The following SH3PXD2A variants were observed in gnomAD, a reference collection of about 807,000 sequenced individuals.
The protein encoded by SH3PXD2A is SH3 and PX domains 2A, also known as SH3 and PX domain-containing protein 2A.
Under a neutral mutation model 115.2 loss-of-function variants are expected in SH3PXD2A, and 32 were observed. The ratio of observed to expected loss-of-function variants is 0.28; its 90% CI spans 0.21 to 0.37. SH3PXD2A has a LOEUF of 0.37. SH3PXD2A is among the 10% of genes least tolerant of loss of function. The probability of loss-of-function intolerance (pLI) is 1.00; values close to 1 mark genes in which losing one functional copy is unlikely to be tolerated. For synonymous variants in SH3PXD2A, 610 were observed against 629.1 expected, an observed-to-expected ratio of 0.97 and a Z score of 0.45; for missense variants, 1,328 against 1,498.7, an observed-to-expected ratio of 0.89 and a Z score of 1.88.
intron 5 of SH3PXD2A, among the ~76,000 whole-genome samples, chr10:103,701,549 T>C (rs1291992851): frequency 1.5e-3 from 118 of 78,048 alleles, no homozygotes; most frequent in Middle Eastern, 0.015. Context: ...ATCCATCCAC[T>C]ACCCATCCAT....
intron 2 of SH3PXD2A, among the ~76,000 whole-genome samples, chr10:103,769,181 T>TGTGTGTGCGC (rs1554921417): frequency 1.4e-4 from 16 of 112,998 alleles, no homozygotes; most frequent in African/African-American, 4.8e-4. Flanking sequence ...TGTGTGTGTG[T>TGTGTGTGCGC]GCGCGCGCGC....
At chr10:103,748,025 C>T (rs1190443687) in intron 3 of SH3PXD2A, among the ~76,000 whole-genome samples, 2 of 152,116 alleles carry the variant, frequency 1.3e-5, no homozygotes, top group Non-Finnish European at 2.9e-5. Context: ...CATCAACCTC[C>T]CACCAGCATT....
chr10:103,820,182 C>T (rs551688514), intron 1 of SH3PXD2A, among the ~76,000 whole-genome samples: 1 of 152,300 alleles, frequency 6.6e-6, no homozygotes, highest in South Asian at 2.1e-4. Context: ...TTTTAAATCT[C>T]CCCTCCTGCT....
intron 1 of SH3PXD2A, among the ~76,000 whole-genome samples, chr10:103,841,956 C>T (rs1281584267): frequency 2.0e-5 from 3 of 152,096 alleles, no homozygotes; most frequent in Admixed American, 6.5e-5. Flanking sequence ...AATCCTGTCT[C>T]CACTAAAAAT....
At chr10:103,763,732 C>A (rs2038724706) in intron 3 of SH3PXD2A, among the ~76,000 whole-genome samples, 1 of 152,236 alleles carries the variant, frequency 6.6e-6, no homozygotes, top group Non-Finnish European at 1.5e-5. Flanking sequence ...CAGCTGCCCC[C>A]TTCTTCAGAT....
intron 8 of SH3PXD2A, among the ~76,000 whole-genome samples, chr10:103,651,930 C>T (rs1291796368): frequency 2.0e-5 from 3 of 152,224 alleles, no homozygotes; most frequent in Admixed American, 6.5e-5. Flanking sequence ...GCACTGCCAA[C>T]GGGCCCCGTC....
chr10:103,771,123 T>C (rs1034628502), intron 2 of SH3PXD2A, among the ~76,000 whole-genome samples: 7 of 152,294 alleles, frequency 4.6e-5, no homozygotes, highest in African/African-American at 1.4e-4. Flanking sequence ...GCTTTGTCCT[T>C]ATCTCAACCA....
chr10:103,668,732 A>G lies in SH3PXD2A; in HGVS notation c.428-80T>C, dbSNP rs1554908877. Reference sequence around the variant, plus strand: ...ACGGTTAGGCAGGCAGGAGGTCCACAGTGAGTGGCTGCAGGCGCCGCGCTC... The same window carrying G: ...ACGGTTAGGCAGGCAGGAGGTCCACGGTGAGTGGCTGCAGGCGCCGCGCTC... On this transcript the variant is annotated intron_variant, in intron 6 of 14. Transcript: ENST00000369774. The G allele has an allele frequency of 7.6e-6, 10 of 1,317,786 alleles. No individual in the cohort carries two copies. The South Asian group carries it at 8.8e-5, about 12-fold the overall frequency. 81.6% of individuals were successfully genotyped at this position (1,317,786 alleles called of 1,614,324 possible).
intron 5 of SH3PXD2A, among the ~76,000 whole-genome samples, chr10:103,700,819 C>A (rs968244821): frequency 3.9e-5 from 6 of 152,128 alleles, no homozygotes; most frequent in Admixed American, 2.0e-4. Context: ...ACATGCCAGA[C>A]CTAGGGAACC....
In SH3PXD2A at chr10:103,706,625, A is replaced by G. The variant is rs1042648936; in HGVS notation, c.399-13569T>C. On this transcript the variant is annotated intron_variant, in intron 5 of 14. Coordinates refer to ENST00000369774, the MANE Select transcript of SH3PXD2A (RefSeq NM_001394015.1). ...CAGGCCCAGCACAGGGCTGGTTATA[A>G]TCGTGTTTCCTGAATAAATGCACGA... Among the ~76,000 whole-genome samples the G allele has an allele frequency of 4.6e-5, 7 of 152,190 alleles. 1 individual carries two copies. Among genetic ancestry groups the G allele is most frequent in the Non-Finnish European group, 1.0e-4 (7 of 68,044 alleles).
At chr10:103,715,294 AGAG>A (rs1348765313) in intron 5 of SH3PXD2A, among the ~76,000 whole-genome samples, 11 of 152,354 alleles carry the variant, frequency 7.2e-5, no homozygotes, top group South Asian at 6.2e-4. Context: ...ACAGACTGGA[AGAG>A]GAGAAGTGAG....
chr10:103,605,741 C>T, intron 14 of SH3PXD2A, 57 bp downstream of exon 14: 1 of 1,609,654 alleles, frequency 6.2e-7, no homozygotes, highest in East Asian at 2.2e-5. Context: ...ATGGGAAATG[C>T]AGTAGGTTTT....
chr10:103,851,970 C>T (rs1311180460), intron 1 of SH3PXD2A, among the ~76,000 whole-genome samples: 1 of 152,212 alleles, frequency 6.6e-6, no homozygotes, highest in Non-Finnish European at 1.5e-5. Flanking sequence ...ACAAAGAACC[C>T]GGTGGACCTG....
At chr10:103,687,556 C>A (rs1384734078) in intron 6 of SH3PXD2A, among the ~76,000 whole-genome samples, 1 of 152,146 alleles carries the variant, frequency 6.6e-6, no homozygotes, top group Admixed American at 6.5e-5. Flanking sequence ...CAGTGCCTTG[C>A]CCCCTCCACT....
chr10:103,771,608 A>G lies in SH3PXD2A; in HGVS notation c.154-4439T>C, dbSNP rs191151692. Among the ~76,000 whole-genome samples, 6 of 152,246 alleles carry G rather than the reference A, an allele frequency of 3.9e-5. No homozygotes were observed. The East Asian group carries it at 1.2e-3, about 29-fold the overall frequency. ...AAAAAAGTACAAAAATTAGGTGGGCATGGTGGTGCACATCTGTAGTCCCAG... is the reference window on the plus strand; with the variant it reads ...AAAAAAGTACAAAAATTAGGTGGGCGTGGTGGTGCACATCTGTAGTCCCAG... On this transcript the variant is annotated intron_variant, in intron 2 of 14. Transcript: ENST00000369774.
Position 103,642,278 on chromosome 10 carries a change from C to T in SH3PXD2A, c.605-15076G>A, listed in dbSNP as rs149153658. On this transcript the variant is annotated intron_variant, in intron 8 of 14. Coordinates refer to ENST00000369774, the MANE Select transcript of SH3PXD2A (RefSeq NM_001394015.1). The stretch of plus-strand genomic sequence containing the variant: ...ACGATGAAAACAAAGCTATGTAGTA[C>T]ATTTGAACCGTGCCACAAATGAAGA... Among the ~76,000 whole-genome samples the T allele has an allele frequency of 3.9e-5, 6 of 152,016 alleles. No individual in the cohort carries two copies. In the East Asian group the frequency reaches 9.7e-4, roughly 25 times the overall value.
chr10:103,819,548 C>T (rs10883915), intron 1 of SH3PXD2A, among the ~76,000 whole-genome samples: 86,341 of 151,074 alleles, frequency 0.57, 25,691 homozygotes, highest in East Asian at 0.69. Context: ...CTCTGAGGCT[C>T]GAGGGAATGA....
intron 8 of SH3PXD2A, among the ~76,000 whole-genome samples, chr10:103,658,412 C>G (rs188198894): frequency 6.6e-6 from 1 of 152,220 alleles, no homozygotes; most frequent in Non-Finnish European, 1.5e-5. Context: ...ACAATTGGGT[C>G]TTTGTTCCTG....
intron 6 of SH3PXD2A, among the ~76,000 whole-genome samples, chr10:103,681,756 G>A (rs1378517202): frequency 1.7e-5 from 2 of 118,998 alleles, no homozygotes; most frequent in African/African-American, 6.0e-5. Flanking sequence ...ACACACACGC[G>A]CCCGCGCGCG....
Sources: allele counts gnomAD v4.1 joint callset (sites outside exome capture counted in the v4.1 genomes callset), GRCh38; gene constraint gnomAD v4.1.1; transcripts MANE v1.5; gene names NCBI Gene and HGNC (gene_info 2026-07-23, HGNC 2026-07-21).